RNF144A: variants seen among roughly 807,000 people sequenced by gnomAD.
RNF144A encodes E3 ubiquitin-protein ligase RNF144A.
A neutral mutation model predicts 38.7 loss-of-function variants in RNF144A; 11 were observed. The ratio of observed to expected loss-of-function variants is 0.28; its 90% CI spans 0.18 to 0.47. RNF144A has a LOEUF of 0.47. Among genes scored for constraint, RNF144A ranks in the 20% least tolerant of loss-of-function variants. The probability of loss-of-function intolerance (pLI) is 0.99; values close to 1 mark genes in which losing one functional copy is unlikely to be tolerated. For missense variants in RNF144A, 316 were observed against 377.2 expected (o/e 0.84, Z 1.34); for synonymous variants, 149 against 143.9 (o/e 1.04, Z -0.25).
chr2:6,949,843 A>G (rs1208451076), intron 2 of RNF144A, among the ~76,000 whole-genome samples: 1 of 152,254 alleles, frequency 6.6e-6, no homozygotes, highest in Non-Finnish European at 1.5e-5. Context: ...AAAAATAAAT[A>G]TACATACACA....
intron 2 of RNF144A, among the ~76,000 whole-genome samples, chr2:6,969,855 G>A (rs766194482): frequency 1.1e-4 from 17 of 152,112 alleles, no homozygotes; most frequent in Non-Finnish European, 2.2e-4. Flanking sequence ...TCTGCTTCCC[G>A]GGTTCACATC....
At chr2:6,937,778 TG>T (rs1023562095) in intron 1 of RNF144A, among the ~76,000 whole-genome samples, 4 of 152,190 alleles carry the variant, frequency 2.6e-5, no homozygotes, top group African/African-American at 9.6e-5. Flanking sequence ...GGCTCTCGGC[TG>T]GCGGAGACAT....
intron 1 of RNF144A, among the ~76,000 whole-genome samples, chr2:6,937,453 G>T (rs543599668): frequency 3.3e-5 from 5 of 152,176 alleles, no homozygotes. Context: ...TTATAATGCA[G>T]CTGGGAAAGG....
intron 3 of RNF144A, among the ~76,000 whole-genome samples, chr2:7,001,062 G>A (rs1572374683): frequency 1.3e-5 from 2 of 152,078 alleles, no homozygotes; most frequent in East Asian, 3.9e-4. Flanking sequence ...CACTTTGGGA[G>A]GCTGAGGCGG....
chr2:6,950,844 G>T (rs1460597738), intron 2 of RNF144A, among the ~76,000 whole-genome samples: 2 of 152,058 alleles, frequency 1.3e-5, no homozygotes, highest in East Asian at 1.9e-4. Flanking sequence ...CGTATTTTTG[G>T]TCTAGTTTTT....
At chr2:7,060,654 G>T (rs1673916044) in intron 6 of RNF144A, among the ~76,000 whole-genome samples, 2 of 152,108 alleles carry the variant, frequency 1.3e-5, no homozygotes, top group South Asian at 4.1e-4. Flanking sequence ...CCACATCGTT[G>T]TCACCCTTGG....
At chr2:7,048,649 G>A (rs776602403), downstream of RNF144A, among the ~76,000 whole-genome samples, 17 of 152,158 alleles carry the variant, frequency 1.1e-4, no homozygotes, top group Non-Finnish European at 1.8e-4. Context: ...TTAGGGGGTG[G>A]CCACAGCATG....
At chr2:6,918,466 G>A (rs1006093409) in intron 1 of RNF144A, 1 of 152,254 alleles carries the variant, frequency 6.6e-6, no homozygotes, top group Non-Finnish European at 1.5e-5. Context: ...TTTTTCTAGA[G>A]AATAATAATT....
chr2:7,012,259 C>T (rs1670866703), intron 3 of RNF144A, among the ~76,000 whole-genome samples: 2 of 152,160 alleles, frequency 1.3e-5, no homozygotes, highest in Non-Finnish European at 2.9e-5. Flanking sequence ...AAAAAAGAGA[C>T]AACAGCCACT....
intron 2 of RNF144A, among the ~76,000 whole-genome samples, chr2:6,960,407 T>A (rs1036961027): frequency 2.6e-5 from 4 of 152,192 alleles, no homozygotes; most frequent in African/African-American, 9.6e-5. Context: ...GGACTTTGGC[T>A]TTTGTTAGAG....
intron 7 of RNF144A, among the ~76,000 whole-genome samples, chr2:7,027,627 A>G (rs921292887): frequency 5.3e-5 from 8 of 152,210 alleles, no homozygotes; most frequent in East Asian, 3.9e-4. Flanking sequence ...GCCCTGGGGC[A>G]TTGGCTCTTT....
intron 2 of RNF144A, among the ~76,000 whole-genome samples, chr2:6,957,133 C>T (rs1667055970): frequency 6.6e-6 from 1 of 152,162 alleles, no homozygotes; most frequent in Non-Finnish European, 1.5e-5. Context: ...TGTTCCCTCC[C>T]CTTGGCCCAG....
chr2:6,990,008 G>A (rs1311007230), intron 2 of RNF144A, among the ~76,000 whole-genome samples: 5 of 152,084 alleles, frequency 3.3e-5, no homozygotes, highest in African/African-American at 7.2e-5. Flanking sequence ...TACCACAGTG[G>A]CACATTTGTT....
downstream of RNF144A, among the ~76,000 whole-genome samples, chr2:7,070,056 C>T (rs1674403079): frequency 1.3e-5 from 2 of 152,176 alleles, no homozygotes; most frequent in Admixed American, 1.3e-4. Flanking sequence ...TCAGGGATGT[C>T]CCAATATTAA....
At chr2:6,956,301 C>T (rs1248465613) in intron 2 of RNF144A, among the ~76,000 whole-genome samples, 2 of 152,108 alleles carry the variant, frequency 1.3e-5, no homozygotes, top group Non-Finnish European at 2.9e-5. Flanking sequence ...TGTAAACTTC[C>T]TGAGGCTAGT....
chr2:7,023,034 C>A (rs143505028), intron 6 of RNF144A, among the ~76,000 whole-genome samples: 1 of 152,276 alleles, frequency 6.6e-6, no homozygotes, highest in East Asian at 1.9e-4. Context: ...CATGTGCAAC[C>A]TCTGTAATCC....
chr2:7,021,939 A>G (rs1671560819), intron 6 of RNF144A, among the ~76,000 whole-genome samples: 1 of 152,264 alleles, frequency 6.6e-6, no homozygotes. Context: ...ATTATTGTCC[A>G]AAGATGATCT....
intron 2 of RNF144A, among the ~76,000 whole-genome samples, chr2:6,985,270 CTTT>C (rs748540904): frequency 0.34 from 35,596 of 103,576 alleles, 5,003 homozygotes; most frequent in African/African-American, 0.37. Context: ...CCTCCCCCCT[CTTT>C]TTTTTTTTTT....
At chr2:7,065,166 C>T (rs975533936) in intron 6 of RNF144A, among the ~76,000 whole-genome samples, 1 of 152,184 alleles carries the variant, frequency 6.6e-6, no homozygotes, top group Non-Finnish European at 1.5e-5. Flanking sequence ...GATGTAGGTA[C>T]AATTATTCTT....
Sources: allele counts gnomAD v4.1 joint callset (sites outside exome capture counted in the v4.1 genomes callset), GRCh38; gene constraint gnomAD v4.1.1; transcripts MANE v1.5; gene names NCBI Gene and HGNC (gene_info 2026-07-23, HGNC 2026-07-21).